The following SPATS2 variants were observed in gnomAD, a reference collection of about 807,000 sequenced individuals.
SPATS2 encodes spermatogenesis-associated serine-rich protein 2.
SPATS2 carries 38 observed loss-of-function variants against 63.7 expected under a neutral mutation model. The ratio of observed to expected loss-of-function variants is 0.60; its 90% CI spans 0.46 to 0.78. The LOEUF is 0.78. Among genes scored for constraint, SPATS2 ranks in the 30% least tolerant of loss-of-function variants. SPATS2 has a pLI of 0.00. For synonymous variants in SPATS2, 207 were observed against 232.9 expected, an observed-to-expected ratio of 0.89 and a Z score of 1.01; for missense variants, 588 against 666.2, an observed-to-expected ratio of 0.88 and a Z score of 1.29.
chr12:49,450,023 C>T (rs992375877), intron 2 of SPATS2, among the ~76,000 whole-genome samples: 2 of 151,990 alleles, frequency 1.3e-5, no homozygotes, highest in African/African-American at 4.8e-5. Flanking sequence ...GATGTCATGA[C>T]TCTCTTATAA....
At chr12:49,380,181 T>G (rs1250416826) in intron 2 of SPATS2, among the ~76,000 whole-genome samples, 2 of 151,452 alleles carry the variant, frequency 1.3e-5, no homozygotes, top group Non-Finnish European at 2.9e-5. Flanking sequence ...TTTTTTTTTT[T>G]TTTGAGACAA....
rs543907481 is a variant in SPATS2, at chr12:49,518,446, C to T, written c.899-627C>T. On this transcript the variant is annotated intron_variant, in intron 10 of 13. Transcript: ENST00000552918. ...TCTAAATACCCATCACTAGGGAACT[C>T]GGTAAATAATTGTGGTATATCCACA... Among the ~76,000 whole-genome samples, 7 of 152,162 alleles carry T rather than the reference C, an allele frequency of 4.6e-5. No homozygotes were observed. In the South Asian group the frequency reaches 6.2e-4, roughly 14 times the overall value.
chr12:49,425,207 A>C (rs991181144), intron 2 of SPATS2, among the ~76,000 whole-genome samples: 1 of 151,768 alleles, frequency 6.6e-6, no homozygotes, highest in Non-Finnish European at 1.5e-5. Flanking sequence ...TTCCCTCCCA[A>C]CTTGTATATG....
At chr12:49,437,665 A>C (rs1041411028) in intron 2 of SPATS2, among the ~76,000 whole-genome samples, 1 of 152,198 alleles carries the variant, frequency 6.6e-6, no homozygotes, top group Admixed American at 6.5e-5. Flanking sequence ...CGTCTCCACC[A>C]AAAAAATACG....
In SPATS2 at chr12:49,490,907, C is replaced by T. The variant is rs534017174; in HGVS notation, c.264+176C>T. The T allele has an allele frequency of 2.4e-4, 136 of 560,868 alleles. 1 individual carries two copies. The South Asian group carries it at 2.7e-3, about 11-fold the overall frequency. 34.7% of individuals were successfully genotyped at this position (560,868 alleles called of 1,614,324 possible). A position where few individuals can be genotyped will look rare whatever the true frequency, so the allele number is the denominator to read the frequency against. On this transcript the variant is annotated intron_variant, in intron 6 of 13. Transcript: ENST00000552918. ...CTGTAATCCCAGCACTTTAGGAGGCCAAGGCAGGTGGATCACTTGAGGTCA... is the reference window on the plus strand; with the variant it reads ...CTGTAATCCCAGCACTTTAGGAGGCTAAGGCAGGTGGATCACTTGAGGTCA...
At chr12:49,410,410 A>G (rs1406232444) in intron 2 of SPATS2, among the ~76,000 whole-genome samples, 2 of 152,108 alleles carry the variant, frequency 1.3e-5, no homozygotes, top group African/African-American at 4.8e-5. Flanking sequence ...CACACCATGT[A>G]TCTGAAAAAA....
rs1592457201 is a variant in SPATS2, at chr12:49,496,162, G to A, written c.527-671G>A. Among the ~76,000 whole-genome samples, 5 of 152,296 alleles carry A rather than the reference G, an allele frequency of 3.3e-5. No homozygotes were observed. In the South Asian group the frequency reaches 1.0e-3, roughly 32 times the overall value. The stretch of plus-strand genomic sequence containing the variant: ...AAGACTTAGAGAAAAACATTGCACT[G>A]ACTCAAACCAACAATAGCCAGTGGT... On this transcript the variant is annotated intron_variant, in intron 7 of 13. Coordinates refer to ENST00000552918, the MANE Select transcript of SPATS2 (RefSeq NM_023071.4).
At chr12:49,411,573 G>T (rs1944798064) in intron 2 of SPATS2, among the ~76,000 whole-genome samples, 1 of 152,102 alleles carries the variant, frequency 6.6e-6, no homozygotes, top group Admixed American at 6.5e-5. Context: ...ATCTAAAGCA[G>T]AATACATACT....
At chr12:49,499,179 T>C (rs1439167046) in intron 8 of SPATS2, among the ~76,000 whole-genome samples, 2 of 152,344 alleles carry the variant, frequency 1.3e-5, no homozygotes, top group East Asian at 3.9e-4. Context: ...GATTGATTTT[T>C]TCTCTTACTT....
chr12:49,484,784 A>G (rs1946261406), intron 4 of SPATS2, 115 bp downstream of exon 4: 7 of 828,596 alleles, frequency 8.4e-6, no homozygotes, highest in East Asian at 8.0e-5. Context: ...GAATAAAACA[A>G]TGCCACTATA....
At chr12:49,472,137 C>G (rs146884207) in intron 3 of SPATS2, among the ~76,000 whole-genome samples, 2 of 152,008 alleles carry the variant, frequency 1.3e-5, no homozygotes, top group African/African-American at 4.8e-5. Context: ...GACTCTTTGT[C>G]TCAAAAGCGC....
intron 2 of SPATS2, among the ~76,000 whole-genome samples, chr12:49,385,842 TG>T (rs1399257426): frequency 2.1e-5 from 3 of 140,622 alleles, no homozygotes; most frequent in South Asian, 2.2e-4. Context: ...TTTTGTTTTT[TG>T]TTTGTTTGTT....
At chr12:49,406,728 A>C (rs1944704314) in intron 2 of SPATS2, among the ~76,000 whole-genome samples, 1 of 152,138 alleles carries the variant, frequency 6.6e-6, no homozygotes, top group Admixed American at 6.5e-5. Flanking sequence ...AACCCTATTA[A>C]AATTGTGTAT....
chr12:49,460,277 A>C (rs1251115558), intron 2 of SPATS2, among the ~76,000 whole-genome samples: 1 of 152,026 alleles, frequency 6.6e-6, no homozygotes, highest in African/African-American at 2.4e-5. Flanking sequence ...AACATGGTGA[A>C]ACCCCATCTC....
At chr12:49,412,348 C>G (rs1483094040) in intron 2 of SPATS2, among the ~76,000 whole-genome samples, 1 of 151,862 alleles carries the variant, frequency 6.6e-6, no homozygotes, top group East Asian at 1.9e-4. Context: ...GTATGCGCCA[C>G]CATGCCCAGC....
chr12:49,377,902 C>A (rs565996683), intron 2 of SPATS2, among the ~76,000 whole-genome samples: 2 of 152,278 alleles, frequency 1.3e-5, no homozygotes, highest in African/African-American at 4.8e-5. Flanking sequence ...GCCTATGTTT[C>A]TGTATCTGTA....
At chr12:49,419,101 G>T (rs1433744351) in intron 2 of SPATS2, among the ~76,000 whole-genome samples, 1 of 152,092 alleles carries the variant, frequency 6.6e-6, no homozygotes, top group Non-Finnish European at 1.5e-5. Flanking sequence ...AGGGAGTAGG[G>T]GTGGGGAGAA....
chr12:49,456,449 C>T (rs1190173751), intron 2 of SPATS2, among the ~76,000 whole-genome samples: 1 of 152,152 alleles, frequency 6.6e-6, no homozygotes, highest in Admixed American at 6.5e-5. Context: ...AAAGGAAGGA[C>T]ATCAGAACAG....
chr12:49,499,504 A>T (rs1946528401), intron 8 of SPATS2, among the ~76,000 whole-genome samples: 1 of 148,072 alleles, frequency 6.8e-6, no homozygotes. Context: ...AGTCTTGGGT[A>T]GTTTCTTTAT....
Sources: gnomAD v4.1 joint callset for allele counts (sites outside exome capture counted in the v4.1 genomes callset) on GRCh38, gnomAD v4.1.1 for gene constraint, MANE v1.5 for transcripts, NCBI Gene and HGNC (gene_info 2026-07-23, HGNC 2026-07-21) for gene names.